Variants in DLGAP2 observed in about 807,000 individuals in gnomAD.
DLGAP2 encodes DLG associated protein 2.
DLGAP2 carries 26 observed loss-of-function variants against 100.3 expected under a neutral mutation model. The observed-to-expected ratio is 0.26, with a 90% CI of 0.19 to 0.36. The LOEUF (loss-of-function observed/expected upper bound fraction) is 0.36. DLGAP2 is among the 10% of genes least tolerant of loss of function. The pLI is 1.00. For synonymous variants in DLGAP2, 886 were observed against 630.1 expected (o/e 1.41, Z -6.08); for missense variants, 1,858 against 1,453.2 (o/e 1.28, Z -4.53).
At chr8:904,258 G>A (rs1420617280) in intron 1 of DLGAP2, among the ~76,000 whole-genome samples, 1 of 152,206 alleles carries the variant, frequency 6.6e-6, no homozygotes, top group Non-Finnish European at 1.5e-5. Context: ...GATGGCTCAT[G>A]CCTGTAATCC....
intron 1 of DLGAP2, among the ~76,000 whole-genome samples, chr8:888,882 C>T (rs1331296781): frequency 6.6e-6 from 1 of 152,126 alleles, no homozygotes; most frequent in African/African-American, 2.4e-5. Context: ...AGGTTTCATG[C>T]TTGTCCGTGT....
intron 4 of DLGAP2, among the ~76,000 whole-genome samples, chr8:1,533,112 A>G (rs1406528544): frequency 6.6e-6 from 1 of 150,482 alleles, no homozygotes; most frequent in African/African-American, 2.4e-5. Flanking sequence ...AAAAATGTGC[A>G]GTTGTTAGTC....
At chr8:1,613,327 G>T (rs1158387733) in intron 6 of DLGAP2, among the ~76,000 whole-genome samples, 2 of 150,636 alleles carry the variant, frequency 1.3e-5, no homozygotes, top group Non-Finnish European at 1.5e-5. Flanking sequence ...TCACTCATAG[G>T]TGGGAACTGA....
chr8:1,378,500 G>A (rs1379821166), intron 3 of DLGAP2, among the ~76,000 whole-genome samples: 1 of 151,172 alleles, frequency 6.6e-6, no homozygotes, highest in African/African-American at 2.4e-5. Context: ...GGCCTCACCT[G>A]TCTTTCCTGC....
intron 2 of DLGAP2, among the ~76,000 whole-genome samples, chr8:963,146 C>T (rs369565767): frequency 1.6e-4 from 24 of 152,254 alleles, no homozygotes; most frequent in African/African-American, 4.8e-4. Context: ...CTTCTTGTGT[C>T]GAAGGAGAGT....
At chr8:1,550,325 C>T (rs1019165559) in intron 5 of DLGAP2, among the ~76,000 whole-genome samples, 2 of 152,172 alleles carry the variant, frequency 1.3e-5, no homozygotes, top group Non-Finnish European at 2.9e-5. Context: ...GATGGCGGGA[C>T]GTTATCTACG....
At chr8:1,223,806 G>A (rs1208636947) in intron 2 of DLGAP2, among the ~76,000 whole-genome samples, 1 of 152,186 alleles carries the variant, frequency 6.6e-6, no homozygotes, top group Non-Finnish European at 1.5e-5. Flanking sequence ...CAATTGAATA[G>A]TAGGCAGAGA....
chr8:1,666,079 C>G (rs965485776), intron 8 of DLGAP2, among the ~76,000 whole-genome samples: 1 of 152,152 alleles, frequency 6.6e-6, no homozygotes, highest in Non-Finnish European at 1.5e-5. Context: ...CCCGGAAAAA[C>G]GAAATATTTC....
At chr8:1,505,240 C>T (rs559844090) in intron 4 of DLGAP2, among the ~76,000 whole-genome samples, 57 of 152,294 alleles carry the variant, frequency 3.7e-4, no homozygotes, top group African/African-American at 1.3e-3. Context: ...AAATTAAAAA[C>T]ACTTCATAAT....
chr8:1,669,729 A>G lies in DLGAP2; in HGVS notation c.2161-14A>G, dbSNP rs1798642356. The G allele has an allele frequency of 1.3e-6, 1 of 780,840 alleles. No individual in the cohort carries two copies. The highest frequency in any genetic ancestry group is 1.3e-5 in the South Asian group (1 of 74,628). The allele number at this position is 780,840 out of a possible 1,614,324, so 48.4% of individuals were successfully genotyped here. ...AACCAGGTCTCCACACTGTGGCTTC[A>G]TTGTTTTGTTTAGGATTCTGAATTC... On this transcript the variant is annotated splice_polypyrimidine_tract_variant and intron_variant, in intron 9 of 14. Coordinates refer to ENST00000637795, the MANE Select transcript of DLGAP2 (RefSeq NM_001346810.2).
At chr8:837,040 A>G (rs1043279438) in intron 1 of DLGAP2, among the ~76,000 whole-genome samples, 4 of 152,222 alleles carry the variant, frequency 2.6e-5, no homozygotes, top group Non-Finnish European at 4.4e-5. Flanking sequence ...CTGGAGCCAG[A>G]TTCCCGGGGT....
chr8:1,074,201 C>G (rs1803528602), intron 2 of DLGAP2, among the ~76,000 whole-genome samples: 1 of 148,522 alleles, frequency 6.7e-6, no homozygotes, highest in Admixed American at 6.6e-5. Context: ...TTGCAGCAGA[C>G]TGAAGCTGAA....
At chr8:1,062,185 A>G (rs773137633) in intron 2 of DLGAP2, among the ~76,000 whole-genome samples, 1 of 152,112 alleles carries the variant, frequency 6.6e-6, no homozygotes, top group Non-Finnish European at 1.5e-5. Context: ...CTCTGCACCA[A>G]GCAGCCCCCA....
chr8:938,045 T>A lies in DLGAP2; in HGVS notation c.73+30079T>A, dbSNP rs570809415. 3.9e-5 allele frequency among the ~76,000 whole-genome samples: 6 copies of A among 152,290 alleles called. No homozygotes were observed. In the East Asian group the frequency reaches 9.7e-4, roughly 25 times the overall value. On this transcript the variant is annotated intron_variant, in intron 2 of 14. Coordinates refer to ENST00000637795, the MANE Select transcript of DLGAP2 (RefSeq NM_001346810.2). ...CAGACAACTATTCCTTCCACACATATCTGCTGAGGCCCTGCCGTGCACTGT... is the reference window on the plus strand; with the variant it reads ...CAGACAACTATTCCTTCCACACATAACTGCTGAGGCCCTGCCGTGCACTGT...
intron 2 of DLGAP2, among the ~76,000 whole-genome samples, chr8:984,382 T>G (rs1164979753): frequency 6.6e-6 from 1 of 152,212 alleles, no homozygotes; most frequent in African/African-American, 2.4e-5. Context: ...CTAAAAGCTT[T>G]TAATTGTGCC....
chr8:1,036,541 C>G (rs905768852), intron 2 of DLGAP2, among the ~76,000 whole-genome samples: 2 of 152,158 alleles, frequency 1.3e-5, no homozygotes, highest in African/African-American at 4.8e-5. Context: ...CCCTCAGGTG[C>G]TGGTGAGAGT....
chr8:1,079,024 G>A lies in DLGAP2; in HGVS notation c.73+171058G>A, dbSNP rs539491985. On this transcript the variant is annotated intron_variant, in intron 2 of 14. Transcript: ENST00000637795. ...GCACCATTTTGTACTCCCACCAGCA[G>A]GGAGGAGAGTTCCTGTTGCTCCATG... Among the ~76,000 whole-genome samples, 21 of 152,328 alleles carry A rather than the reference G, an allele frequency of 1.4e-4. No individual in the cohort carries two copies. The South Asian group carries it at 4.2e-3, about 30-fold the overall frequency.
chr8:1,211,278 G>GGGACGTTGTTAAAA (rs1798099321), intron 2 of DLGAP2, among the ~76,000 whole-genome samples: 2 of 152,170 alleles, frequency 1.3e-5, no homozygotes. Context: ...GGTGGCCGTG[G>GGGACGTTGTTAAAA]GGACGTTGTT....
intron 2 of DLGAP2, among the ~76,000 whole-genome samples, chr8:1,072,864 A>T (rs1302822243): frequency 6.6e-6 from 1 of 152,156 alleles, no homozygotes; most frequent in Non-Finnish European, 1.5e-5. Flanking sequence ...GGGGAGGCTG[A>T]GTGTGCCCGG....
Sources: gnomAD v4.1 joint callset for allele counts (sites outside exome capture counted in the v4.1 genomes callset) on GRCh38, gnomAD v4.1.1 for gene constraint, MANE v1.5 for transcripts, NCBI Gene and HGNC (gene_info 2026-07-23, HGNC 2026-07-21) for gene names.